Variants in ZNF385D observed in about 807,000 individuals in gnomAD.
The protein encoded by ZNF385D is zinc finger protein 385D, also known as zinc finger protein 659.
ZNF385D carries 15 observed loss-of-function variants against 35.8 expected under a neutral mutation model. The observed-to-expected ratio is 0.42, with a 90% CI of 0.28 to 0.64. The LOEUF is 0.64. Among genes scored for constraint, ZNF385D ranks in the 30% least tolerant of loss-of-function variants. The pLI is 0.23. For missense variants in ZNF385D, 474 were observed against 494.6 expected (o/e 0.96, Z 0.39); for synonymous variants, 212 against 186.8 (o/e 1.13, Z -1.10).
At chr3:21,833,776 T>C (rs891735587) in intron 3 of ZNF385D, among the ~76,000 whole-genome samples, 6 of 152,174 alleles carry the variant, frequency 3.9e-5, no homozygotes, top group African/African-American at 1.4e-4. Context: ...TTAATCTCCC[T>C]GGCTCATTTT....
At chr3:22,097,275 T>G (rs1374544180) in intron 3 of ZNF385D, among the ~76,000 whole-genome samples, 1 of 152,032 alleles carries the variant, frequency 6.6e-6, no homozygotes, top group East Asian at 1.9e-4. Context: ...TGAACTGGAA[T>G]TTGATACCTG....
At chr3:21,778,941 AC>A (rs1378407735) in intron 3 of ZNF385D, among the ~76,000 whole-genome samples, 2 of 151,962 alleles carry the variant, frequency 1.3e-5, no homozygotes, top group Admixed American at 6.6e-5. Flanking sequence ...TCTAAAGACA[AC>A]AAACCTAGCC....
chr3:22,193,415 A>C (rs555056474), intron 2 of ZNF385D, among the ~76,000 whole-genome samples: 1 of 152,166 alleles, frequency 6.6e-6, no homozygotes, highest in East Asian at 1.9e-4. Flanking sequence ...CTATTTACTC[A>C]CTTATTTTCC....
chr3:22,271,248 G>T (rs1199499430), intron 2 of ZNF385D, among the ~76,000 whole-genome samples: 1 of 151,664 alleles, frequency 6.6e-6, no homozygotes, highest in East Asian at 1.9e-4. Context: ...CTTCATAGCA[G>T]AAAAAAGGAT....
intron 3 of ZNF385D, among the ~76,000 whole-genome samples, chr3:22,097,423 G>A (rs1332919129): frequency 1.3e-5 from 2 of 151,894 alleles, no homozygotes; most frequent in African/African-American, 4.8e-5. Context: ...AGAGGTTATT[G>A]GCTAGGTCAT....
chr3:21,460,217 G>T (rs887865298), intron 4 of ZNF385D, among the ~76,000 whole-genome samples: 1 of 152,040 alleles, frequency 6.6e-6, no homozygotes, highest in South Asian at 2.1e-4. Flanking sequence ...TAAAATTCAA[G>T]TATTGTTTAG....
chr3:22,037,424 T>A (rs918304212), intron 3 of ZNF385D, among the ~76,000 whole-genome samples: 1 of 152,074 alleles, frequency 6.6e-6, no homozygotes, highest in Non-Finnish European at 1.5e-5. Context: ...TGAGATGGTA[T>A]CTCATTGTGG....
At chr3:22,166,951 G>C (rs1199814189) in intron 3 of ZNF385D, among the ~76,000 whole-genome samples, 1 of 152,216 alleles carries the variant, frequency 6.6e-6, no homozygotes, top group African/African-American at 2.4e-5. Context: ...TCACCTAGAA[G>C]TTAACAATAA....
At chr3:22,072,067 C>T (rs1456584100) in intron 3 of ZNF385D, among the ~76,000 whole-genome samples, 1 of 152,056 alleles carries the variant, frequency 6.6e-6, no homozygotes, top group Non-Finnish European at 1.5e-5. Context: ...TTTATTGTAG[C>T]ATTACTTTCA....
chr3:22,064,340 T>C (rs1173177212), intron 3 of ZNF385D, among the ~76,000 whole-genome samples: 3 of 152,132 alleles, frequency 2.0e-5, no homozygotes, highest in African/African-American at 2.4e-5. Flanking sequence ...TTGTGATAAT[T>C]TGCATGGTGA....
At chr3:21,800,649 T>G (rs538181945) in intron 3 of ZNF385D, among the ~76,000 whole-genome samples, 1 of 152,272 alleles carries the variant, frequency 6.6e-6, no homozygotes, top group Non-Finnish European at 1.5e-5. Context: ...TATTTCCAAG[T>G]GTTTTTATTC....
At chr3:21,439,037 C>T (rs183730003) in intron 4 of ZNF385D, among the ~76,000 whole-genome samples, 2 of 152,090 alleles carry the variant, frequency 1.3e-5, no homozygotes, top group East Asian at 3.9e-4. Context: ...TGTTTGAAAG[C>T]ATGTGTGTAT....
chr3:22,223,654 C>T lies in ZNF385D; in HGVS notation c.107-54619G>A, dbSNP rs145896812. ...ACTATGCACCAGCCACTATGCTTAACACTAAATATATTTTAATAATTTTGA... is the reference window on the plus strand; with the variant it reads ...ACTATGCACCAGCCACTATGCTTAATACTAAATATATTTTAATAATTTTGA... On this transcript the variant is annotated intron_variant, in intron 2 of 5. Coordinates refer to the ZNF385D transcript ENST00000494108. 2.8e-3 allele frequency among the ~76,000 whole-genome samples: 425 copies of T among 152,174 alleles called. 2 individuals carry two copies. The highest frequency in any genetic ancestry group is 9.8e-3 in the African/African-American group (406 of 41,528).
chr3:21,455,402 A>G (rs909866997), intron 4 of ZNF385D, among the ~76,000 whole-genome samples: 2 of 152,224 alleles, frequency 1.3e-5, no homozygotes, highest in Non-Finnish European at 2.9e-5. Context: ...AGACCAATGG[A>G]ACGGAACAGA....
chr3:21,945,384 T>C (rs976293266), intron 3 of ZNF385D, among the ~76,000 whole-genome samples: 1 of 152,170 alleles, frequency 6.6e-6, no homozygotes, highest in African/African-American at 2.4e-5. Context: ...TATGGTGAGA[T>C]GCACGTTAGT....
At chr3:21,554,124 A>G (rs996502301) in intron 3 of ZNF385D, among the ~76,000 whole-genome samples, 2 of 152,214 alleles carry the variant, frequency 1.3e-5, no homozygotes, top group African/African-American at 4.8e-5. Context: ...TTACTTGGGC[A>G]ACATCCATCA....
At chr3:21,626,724 C>T (rs757060283) in intron 2 of ZNF385D, among the ~76,000 whole-genome samples, 3 of 152,010 alleles carry the variant, frequency 2.0e-5, no homozygotes, top group East Asian at 3.9e-4. Flanking sequence ...AAGATGGAAC[C>T]TGAGAAGTGA....
chr3:22,212,011 A>G (rs1044349751), intron 2 of ZNF385D, among the ~76,000 whole-genome samples: 1 of 152,048 alleles, frequency 6.6e-6, no homozygotes, highest in Non-Finnish European at 1.5e-5. Flanking sequence ...ATATGTGACT[A>G]TAATTCACAA....
At chr3:21,580,210 C>A (rs1439566147) in intron 2 of ZNF385D, among the ~76,000 whole-genome samples, 3 of 152,106 alleles carry the variant, frequency 2.0e-5, no homozygotes, top group African/African-American at 7.2e-5. Context: ...TTCTTGCCTG[C>A]CCCTGTTCTG....
Sources: gnomAD v4.1 joint callset for allele counts (sites outside exome capture counted in the v4.1 genomes callset) on GRCh38, gnomAD v4.1.1 for gene constraint, MANE v1.5 for transcripts, NCBI Gene and HGNC (gene_info 2026-07-23, HGNC 2026-07-21) for gene names.